ZNF791: variants seen among roughly 807,000 people sequenced by gnomAD.
ZNF791 encodes the protein zinc finger protein 791.
A neutral mutation model predicts 11.5 loss-of-function variants in ZNF791; 4 were observed. The observed-to-expected ratio is 0.35, with a 90% CI of 0.17 to 0.80. The LOEUF (loss-of-function observed/expected upper bound fraction) is 0.80, where lower values mean the gene tolerates loss of function less well. Among genes scored for constraint, ZNF791 ranks in the 30% least tolerant of loss-of-function variants. The pLI is 0.53. For synonymous variants in ZNF791, 212 were observed against 228.1 expected (o/e 0.93, Z 0.64); for missense variants, 559 against 699.4 (o/e 0.80, Z 2.26).
In ZNF791 at chr19:12,629,281, AT is replaced by A; in HGVS notation, c.*22del. 7.0e-7 allele frequency: 1 copy of A among 1,419,762 alleles called. No homozygotes were observed. 87.9% of individuals were successfully genotyped at this position (1,419,762 alleles called of 1,614,324 possible). A position where few individuals can be genotyped will look rare whatever the true frequency, so the allele number is the denominator to read the frequency against. ...GATAGAAACTCTATAAATGTGAGAAATAGGAGAAAGTTTTCAATTCTAACAG... is the reference window on the plus strand; with the variant it reads ...GATAGAAACTCTATAAATGTGAGAAAAGGAGAAAGTTTTCAATTCTAACAG... On this transcript the variant is annotated 3_prime_UTR_variant, in exon 4 of 4. Coordinates refer to ENST00000343325, the MANE Select transcript of ZNF791 (RefSeq NM_153358.3).
chr19:12,626,371 G>A (rs1048105726), intron 3 of ZNF791, among the ~76,000 whole-genome samples: 2 of 146,650 alleles, frequency 1.4e-5, no homozygotes, highest in Non-Finnish European at 3.0e-5. Flanking sequence ...GGATGGTCTC[G>A]ATCTCCTGAC....
chr19:12,614,657 C>T (rs1477235127), intron 1 of ZNF791, among the ~76,000 whole-genome samples: 2 of 149,028 alleles, frequency 1.3e-5, no homozygotes, highest in Non-Finnish European at 3.0e-5. Context: ...TGCAATGGCA[C>T]AATCTCGGCT....
At chr19:12,619,481 GAT>G (rs2023301331) in intron 1 of ZNF791, among the ~76,000 whole-genome samples, 7 of 114,884 alleles carry the variant, frequency 6.1e-5, no homozygotes, top group Non-Finnish European at 1.2e-4. Flanking sequence ...ACGGAGTCTC[GAT>G]TTGTCTCCCA....
At chr19:12,615,012 C>CTTTTTTT (rs1180146927) in intron 1 of ZNF791, among the ~76,000 whole-genome samples, 2 of 49,852 alleles carry the variant, frequency 4.0e-5, no homozygotes, top group Admixed American at 2.8e-4. Context: ...CTATGTTCAA[C>CTTTTTTT]TTTTTTTTTT....
At chr19:12,611,402 C>T (rs2078920402) in intron 1 of ZNF791, among the ~76,000 whole-genome samples, 1 of 152,158 alleles carries the variant, frequency 6.6e-6, no homozygotes, top group African/African-American at 2.4e-5. Context: ...AAGGCTGTTT[C>T]CCCCTGAGTC....
intron 1 of ZNF791, among the ~76,000 whole-genome samples, chr19:12,612,830 A>G (rs1438933020): frequency 1.7e-5 from 2 of 118,640 alleles, no homozygotes; most frequent in Non-Finnish European, 3.5e-5. Flanking sequence ...TTTTTTTTTT[A>G]AAGACCAAGT....
At chr19:12,612,128 C>G (rs1281358657) in intron 1 of ZNF791, 1 of 885,098 alleles carries the variant, frequency 1.1e-6, no homozygotes, top group African/African-American at 1.8e-5. Flanking sequence ...CTTGCAACAT[C>G]TAGAAGCATT....
rs185880013 is a variant in ZNF791 at position 12,622,569 on chromosome 19, G to A, written c.4-1131G>A. Reference sequence around the variant, plus strand: ...GAGGCCGGGGCAGGAGGATCACTTGGGGCCGAGAGTTAAAGGTCAACCTGG... The same window carrying A: ...GAGGCCGGGGCAGGAGGATCACTTGAGGCCGAGAGTTAAAGGTCAACCTGG... On this transcript the variant is annotated intron_variant, in intron 1 of 3. Coordinates refer to ENST00000343325, the MANE Select transcript of ZNF791 (RefSeq NM_153358.3). 8.2e-4 allele frequency among the ~76,000 whole-genome samples: 125 copies of A among 151,838 alleles called. 5 individuals carry two copies. The highest frequency in any genetic ancestry group is 2.8e-3 in the African/African-American group (116 of 41,462).
In ZNF791 at chr19:12,632,518, T is replaced by G. The variant is rs2023513045; in HGVS notation, c.*3258T>G. On this transcript the variant is annotated 3_prime_UTR_variant, in exon 4 of 4. Transcript: ENST00000343325. ...TTCTTGGCCAGACACGGTGGCTCAC[T>G]CCTTTGTAATTCCAGCACTTTGGGA... is the stretch of plus-strand genomic sequence containing the variant. 1 of 152,082 alleles carries G rather than the reference T, an allele frequency of 6.6e-6. No homozygotes were observed. The highest frequency in any genetic ancestry group is 2.4e-5 in the African/African-American group (1 of 41,426). The allele number at this position is 152,082 out of a possible 1,614,324, so 9.4% of individuals were successfully genotyped here.
intron 1 of ZNF791, among the ~76,000 whole-genome samples, chr19:12,618,435 C>G (rs538307378): frequency 6.6e-6 from 1 of 151,892 alleles, no homozygotes; most frequent in Non-Finnish European, 1.5e-5. Flanking sequence ...TGCTTGAGCC[C>G]GGGAAGTCGA....
Position 12,632,571 on chromosome 19 carries a change from C to G in ZNF791, c.*3311C>G, listed in dbSNP as rs1400291963. 1 of 152,020 alleles carries G rather than the reference C, an allele frequency of 6.6e-6. No homozygotes were observed. The highest frequency in any genetic ancestry group is 1.5e-5 in the Non-Finnish European group (1 of 68,022). The allele number at this position is 152,020 out of a possible 1,614,324, so 9.4% of individuals were successfully genotyped here. A position where few individuals can be genotyped will look rare whatever the true frequency, so the allele number is the denominator to read the frequency against. On this transcript the variant is annotated 3_prime_UTR_variant, in exon 4 of 4. Coordinates refer to ENST00000343325, the MANE Select transcript of ZNF791 (RefSeq NM_153358.3). ...CCAAGGCAAGCAGATCACTTGAGGT[C>G]AGGAGTTCGAGACCAACCTGGCCAA...
At chr19:12,621,259 A>G (rs559800925) in intron 1 of ZNF791, among the ~76,000 whole-genome samples, 2 of 152,236 alleles carry the variant, frequency 1.3e-5, no homozygotes, top group African/African-American at 4.8e-5. Context: ...CTCAATGTGT[A>G]TATGTATTTG....
intron 1 of ZNF791, among the ~76,000 whole-genome samples, chr19:12,619,480 CGA>C (rs2023301122): frequency 8.4e-6 from 1 of 118,596 alleles, no homozygotes; most frequent in Non-Finnish European, 1.7e-5. Context: ...GACGGAGTCT[CGA>C]TTTGTCTCCC....
At chr19:12,614,277 A>T (rs945847715) in intron 1 of ZNF791, among the ~76,000 whole-genome samples, 1 of 152,164 alleles carries the variant, frequency 6.6e-6, no homozygotes. Flanking sequence ...TCTGTTGCCC[A>T]GGCTGGAGTG....
intron 1 of ZNF791, among the ~76,000 whole-genome samples, chr19:12,620,632 T>A (rs2023324560): frequency 6.6e-6 from 1 of 151,944 alleles, no homozygotes; most frequent in Non-Finnish European, 1.5e-5. Context: ...CTTCTAACTG[T>A]GTGGATCTTT....
At position 12,633,666 on chromosome 19, in the gene ZNF791, C is replaced by T. The variant is rs2023524780; in HGVS notation, c.*4406C>T. 1 of 152,106 alleles carries T rather than the reference C, an allele frequency of 6.6e-6. No homozygotes were observed. The highest frequency in any genetic ancestry group is 1.5e-5 in the Non-Finnish European group (1 of 68,012). 9.4% of individuals were successfully genotyped at this position (152,106 alleles called of 1,614,324 possible). A position where few individuals can be genotyped will look rare whatever the true frequency, so the allele number is the denominator to read the frequency against. On this transcript the variant is annotated 3_prime_UTR_variant, in exon 4 of 4. Coordinates refer to ENST00000343325, the MANE Select transcript of ZNF791 (RefSeq NM_153358.3). Reference sequence around the variant, plus strand: ...TTCTAGCCTTCATGTGTGGCCCAAGCATCTATTTCAGACTGTCATGGTTGG... The same window carrying T: ...TTCTAGCCTTCATGTGTGGCCCAAGTATCTATTTCAGACTGTCATGGTTGG...
chr19:12,623,848 CTTTTTTCTTTTTT>C, intron 2 of ZNF791, 22 bp downstream of exon 2: 1 of 798,944 alleles, frequency 1.3e-6, no homozygotes, highest in Non-Finnish European at 1.7e-6. Flanking sequence ...ATCATTTTTT[CTTTTTTCTTTTTT>C]TTTTTTTTTG....
rs916523967 is a variant in ZNF791, at chr19:12,630,952, A to T, written c.*1692A>T. On this transcript the variant is annotated 3_prime_UTR_variant, in exon 4 of 4. Coordinates refer to ENST00000343325, the MANE Select transcript of ZNF791 (RefSeq NM_153358.3). ...TCATTATTGAGGAAAAAATGTTTTT[A>T]TGAATGTAGTGTAGTCCAAGTGTAC... 5.9e-5 allele frequency: 9 copies of T among 152,318 alleles called. No individual in the cohort carries two copies. Among genetic ancestry groups the T allele is most frequent in the African/African-American group, 2.2e-4 (9 of 41,572 alleles). The allele number at this position is 152,318 out of a possible 1,614,324, so 9.4% of individuals were successfully genotyped here. A position where few individuals can be genotyped will look rare whatever the true frequency, so the allele number is the denominator to read the frequency against.
intron 1 of ZNF791, among the ~76,000 whole-genome samples, chr19:12,620,529 C>G (rs78179633): frequency 6.6e-6 from 1 of 151,980 alleles, no homozygotes; most frequent in Non-Finnish European, 1.5e-5. Context: ...CAGAGAGCAC[C>G]CAGGCATGCA....
Sources: allele counts gnomAD v4.1 joint callset (sites outside exome capture counted in the v4.1 genomes callset), GRCh38; gene constraint gnomAD v4.1.1; transcripts MANE v1.5; gene names NCBI Gene and HGNC (gene_info 2026-07-23, HGNC 2026-07-21).